GRM6: variants seen among roughly 807,000 people sequenced by gnomAD.
The protein encoded by GRM6 is metabotropic glutamate receptor 6.
Under a neutral mutation model 78.4 loss-of-function variants are expected in GRM6, and 73 were observed. That is an observed-to-expected ratio of 0.93 (90% CI 0.77 to 1.13). The LOEUF is 1.13. Ranked by LOEUF, GRM6 falls within the 50% of genes most tolerant of loss-of-function variation. GRM6 has a pLI of 0.00. For missense variants in GRM6, 1,251 were observed against 1,256.4 expected (o/e 1.00, Z 0.07); for synonymous variants, 580 against 555.0 (o/e 1.05, Z -0.63).
rs183807567 is a variant in GRM6 at position 178,994,158 on chromosome 5, G to A, written c.504+283C>T. 4.6e-5 allele frequency among the ~76,000 whole-genome samples: 7 copies of A among 152,324 alleles called. No homozygotes were observed. The Middle Eastern group carries it at 0.01, about 222-fold the overall frequency. ...AGCAGGCTGGCAAATGGGGGCTGAA[G>A]TCAGGCCGCCCTCCCCAGCCAACCG... On this transcript the variant is annotated intron_variant, in intron 2 of 10. Coordinates refer to ENST00000517717, the MANE Select transcript of GRM6 (RefSeq NM_000843.4).
At position 178,980,249 on chromosome 5, in the gene GRM6, G is replaced by A. The variant is rs1027408779; in HGVS notation, c.*1408C>T. ...GAATGTATACTGATCTTAAACAGTGGTCAATTTAACAAATGTAAATTCTAC... is the reference window on the plus strand; with the variant it reads ...GAATGTATACTGATCTTAAACAGTGATCAATTTAACAAATGTAAATTCTAC... On this transcript the variant is annotated 3_prime_UTR_variant, in exon 11 of 11. Transcript: ENST00000517717. The surrounding 1 kb of genome is among the most constrained non-coding windows in gnomAD (Gnocchi z 4.3). 1 of 154,370 alleles carries A rather than the reference G, an allele frequency of 6.5e-6. No individual in the cohort carries two copies. The allele number at this position is 154,370 out of a possible 1,614,324, so 9.6% of individuals were successfully genotyped here. A position where few individuals can be genotyped will look rare whatever the true frequency, so the allele number is the denominator to read the frequency against.
At chr5:178,994,399 G>C in intron 2 of GRM6, 42 bp downstream of exon 2, 2 of 1,464,494 alleles carry the variant, frequency 1.4e-6, no homozygotes, top group African/African-American at 1.5e-5. Context: ...GCGAGGACGG[G>C]AGAGGGACGC....
chr5:178,986,936 C>T lies in GRM6; in HGVS notation c.1402G>A (p.Gly468Arg), dbSNP rs753518764. 18 of 1,614,096 alleles carry T rather than the reference C, an allele frequency of 1.1e-5. No homozygotes were observed. The highest frequency in any genetic ancestry group is 8.3e-5 in the Admixed American group (5 of 60,030). Reference protein sequence around the residue: ...VMFNENGDAPGRYDIFQYQAT... With the variant: ...VMFNENGDAPRRYDIFQYQAT... ...TGGTACTGGAAGATGTCGTACCGCC[C>T]GGGCGCATCTCCGTTCTCGTTGAAC... The change falls in exon 8 of 11, where the codon GGG (glycine) becomes AGG (arginine). Residue 468 changes from glycine (G) to arginine (R), a missense_variant. Physicochemically the swap from Gly to Arg is moderately radical, Grantham distance 125 (BLOSUM62 -2). Transcript: ENST00000517717.
At chr5:178,994,314 G>A (rs899678957) in intron 2 of GRM6, 127 bp downstream of exon 2, 8 of 793,846 alleles carry the variant, frequency 1.0e-5, no homozygotes, top group African/African-American at 7.3e-5. Context: ...CTTCTTTGAC[G>A]CTGTGTGAAT....
chr5:178,989,805 C>T, intron 5 of GRM6: 1 of 328,354 alleles, frequency 3.0e-6, no homozygotes, highest in Non-Finnish European at 5.9e-6. Flanking sequence ...GACTATGAGA[C>T]CATAAGCAGG....
At chr5:178,985,651 T>TGAGATA (rs1561716877) in intron 9 of GRM6, 3 of 382,482 alleles carry the variant, frequency 7.8e-6, no homozygotes, top group Non-Finnish European at 1.5e-5. Context: ...TGCAGGGAGC[T>TGAGATA]GAGATAGTGC....
intron 10 of GRM6, among the ~76,000 whole-genome samples, chr5:178,982,404 C>T (rs1406319172): frequency 2.0e-5 from 3 of 151,140 alleles, no homozygotes; most frequent in Non-Finnish European, 2.9e-5. Flanking sequence ...ATGGTGAAAC[C>T]CCATCTCTAC....
chr5:178,985,557 G>C (rs34858541), intron 9 of GRM6: 3 of 338,290 alleles, frequency 8.9e-6, no homozygotes, highest in Non-Finnish European at 1.2e-5. Flanking sequence ...CAAAAAATTA[G>C]CCGGGCGTGG....
chr5:178,984,874 C>T (rs139246793), intron 9 of GRM6, among the ~76,000 whole-genome samples: 1 of 152,162 alleles, frequency 6.6e-6, no homozygotes, highest in Non-Finnish European at 1.5e-5. Flanking sequence ...CACCCTCCAC[C>T]TGGCCCTGAG....
rs371828482 is a variant in GRM6, at chr5:178,991,900, C to A, written c.688G>T (p.Val230Phe). Reference sequence around the variant, plus strand: ...CGGGAGATCTGAACGAAGGCCTCAACCCCACTTTCGCCATAGTTGCCCTCG... The same window carrying A: ...CGGGAGATCTGAACGAAGGCCTCAAACCCACTTTCGCCATAGTTGCCCTCG... ...ASEGNYGESG[V>F]EAFVQISREA... is the part of the protein sequence containing the mutation. Residue 230 changes from valine (V) to phenylalanine (F), a missense_variant, in exon 3 of 11, where the codon GTT (valine) becomes TTT (phenylalanine). Val to Phe is a conservative substitution (Grantham distance 50). Transcript: ENST00000517717. This position sits in a 1 kb window ranked among gnomAD's most constrained non-coding sequence, Gnocchi z 5.0. 3.5e-5 allele frequency: 57 copies of A among 1,614,068 alleles called. No homozygotes were observed. Among genetic ancestry groups the A allele is most frequent in the Admixed American group, 1.5e-4 (9 of 60,032 alleles).
In GRM6 at chr5:178,988,737, C is replaced by G. The variant is rs1760611959; in HGVS notation, c.1354+198G>C. ...ACTGTGCAAACCAGCGCAGGGAACA[C>G]TGAAGCCTGGGGAGGGAGCAGTGTT... On this transcript the variant is annotated intron_variant, in intron 7 of 10. Transcript: ENST00000517717. The surrounding 1 kb of genome is among the most constrained non-coding windows in gnomAD (Gnocchi z 6.0). 6.6e-6 allele frequency among the ~76,000 whole-genome samples: 1 copy of G among 152,174 alleles called. No individual in the cohort carries two copies. The highest frequency in any genetic ancestry group is 1.5e-5 in the Non-Finnish European group (1 of 68,016).
At position 178,981,794 on chromosome 5, in the gene GRM6, C is replaced by A. The variant is rs373757775; in HGVS notation, c.2497G>T (p.Gly833Cys). Residue 833 changes from glycine to cysteine, a missense_variant, in exon 11 of 11, where the codon GGC becomes TGC. Gly to Cys is a radical substitution (Grantham distance 159). Transcript: ENST00000517717. This position sits in a 1 kb window ranked among gnomAD's most constrained non-coding sequence, Gnocchi z 5.1. The part of the protein sequence containing the change: ...SLSLSASVSL[G>C]MLYVPKTYVI... ...TAGGTTTTGGGTACGTAGAGCATGCCGAGGGACACCGAGGCACTCAGGCTC... is the reference window on the plus strand; with the variant it reads ...TAGGTTTTGGGTACGTAGAGCATGCAGAGGGACACCGAGGCACTCAGGCTC... 1 of 1,612,656 alleles carries A rather than the reference C, an allele frequency of 6.2e-7. No individual in the cohort carries two copies. The highest frequency in any genetic ancestry group is 2.2e-5 in the East Asian group (1 of 44,858).
At chr5:178,990,551 G>GGA in intron 5 of GRM6, 41 bp downstream of exon 5, 1 of 1,545,704 alleles carries the variant, frequency 6.5e-7, no homozygotes, top group Non-Finnish European at 8.9e-7. Flanking sequence ...GGGGTGCTGG[G>GGA]GAGACGTGTG....
rs1561715282 is a variant in GRM6 at position 178,983,005 on chromosome 5, CGT to C, written c.2339_2340del (p.Asn780ArgfsTer31). On this transcript the variant is annotated frameshift_variant, in exon 10 of 11. Coordinates refer to ENST00000517717, the MANE Select transcript of GRM6 (RefSeq NM_000843.4). LOFTEE classifies it high-confidence loss of function. ...IKARGVPETF[N>X]EAKPIGFTMY... ...ATGGTGAAGCCGATGGGCTTGGCCTCGTTGAAGGTCTCGGGCACGCCACGGGC... is the reference window on the plus strand; with the variant it reads ...ATGGTGAAGCCGATGGGCTTGGCCTCTGAAGGTCTCGGGCACGCCACGGGC... The C allele has an allele frequency of 1.9e-6, 3 of 1,614,132 alleles. No homozygotes were observed. Among genetic ancestry groups the C allele is most frequent in the Non-Finnish European group, 2.5e-6 (3 of 1,179,968 alleles).
Position 178,983,097 on chromosome 5 carries a change from G to A in GRM6, c.2249C>T (p.Ser750Phe). ...GVLKCDMSDL[S>F]LIGCLGYSLL... is the part of the protein sequence containing the mutation. ...GCTGTAGCCCAGGCAGCCGATGAGA[G>A]ACAGATCCGACATGTCGCACTTGAG... Residue 750 changes from serine (S) to phenylalanine (F), a missense_variant, in exon 10 of 11, where the codon TCT becomes TTT. Physicochemically the swap from Ser to Phe is radical, Grantham distance 155 (BLOSUM62 -2). Coordinates refer to ENST00000517717, the MANE Select transcript of GRM6 (RefSeq NM_000843.4). 1 of 1,614,062 alleles carries A rather than the reference G, an allele frequency of 6.2e-7. No individual in the cohort carries two copies. The highest frequency in any genetic ancestry group is 8.5e-7 in the Non-Finnish European group (1 of 1,179,978).
At position 178,991,401 on chromosome 5, in the gene GRM6, C is replaced by G; in HGVS notation, c.857+23G>C. On this transcript the variant is annotated intron_variant, in intron 4 of 10. Coordinates refer to ENST00000517717, the MANE Select transcript of GRM6 (RefSeq NM_000843.4). This position sits in a 1 kb window ranked among gnomAD's most constrained non-coding sequence, Gnocchi z 5.0. ...ACCCTCAGGGAGAGCCCCAGGGGCC[C>G]GGTGATTGTGCCACTGTCCCACCTG... 6.2e-7 allele frequency: 1 copy of G among 1,612,496 alleles called. No homozygotes were observed. Among genetic ancestry groups the G allele is most frequent in the South Asian group, 1.1e-5 (1 of 91,038 alleles).
Position 178,981,329 on chromosome 5 carries a change from C to A in GRM6, c.*328G>T. On this transcript the variant is annotated 3_prime_UTR_variant, in exon 11 of 11. Transcript: ENST00000517717. This position sits in a 1 kb window ranked among gnomAD's most constrained non-coding sequence, Gnocchi z 5.1. Reference sequence around the variant, plus strand: ...GGGAGGAAATCTCCCGCAAACCAGGCAAAGCCCAGGGCTTCATCATCCTCT... The same window carrying A: ...GGGAGGAAATCTCCCGCAAACCAGGAAAAGCCCAGGGCTTCATCATCCTCT... The A allele has an allele frequency of 3.3e-6, 1 of 300,804 alleles. No homozygotes were observed. Among genetic ancestry groups the A allele is most frequent in the Non-Finnish European group, 6.3e-6 (1 of 158,476 alleles). The allele number at this position is 300,804 out of a possible 1,614,324, so 18.6% of individuals were successfully genotyped here. A position where few individuals can be genotyped will look rare whatever the true frequency, so the allele number is the denominator to read the frequency against.
chr5:178,982,799 C>G lies in GRM6; in HGVS notation c.2436+111G>C. 12 of 764,630 alleles carry G rather than the reference C, an allele frequency of 1.6e-5. No individual in the cohort carries two copies. The South Asian group carries it at 1.8e-4, about 11-fold the overall frequency. The allele number at this position is 764,630 out of a possible 1,614,324, so 47.4% of individuals were successfully genotyped here. ...AGAAGGGAATGAGTGAATGAACAAG[C>G]AGCCAGATACGGGATAAACAAAAGC... is the stretch of plus-strand genomic sequence containing the variant. On this transcript the variant is annotated intron_variant, in intron 10 of 10. Transcript: ENST00000517717.
Position 178,978,593 on chromosome 5 carries a change from G to A in GRM6, c.*3064C>T, listed in dbSNP as rs1214382572. 6.6e-6 allele frequency: 1 copy of A among 152,178 alleles called. No homozygotes were observed. The highest frequency in any genetic ancestry group is 1.9e-4 in the East Asian group (1 of 5,196). The allele number at this position is 152,178 out of a possible 1,614,324, so 9.4% of individuals were successfully genotyped here. A position where few individuals can be genotyped will look rare whatever the true frequency, so the allele number is the denominator to read the frequency against. ...GAGACCTTATAAATAGGTGGTTAAA[G>A]CTTACATCAGAACGTAATCTTACTC... On this transcript the variant is annotated 3_prime_UTR_variant, in exon 11 of 11. Coordinates refer to ENST00000517717, the MANE Select transcript of GRM6 (RefSeq NM_000843.4).
Sources: allele counts gnomAD v4.1 joint callset (sites outside exome capture counted in the v4.1 genomes callset), GRCh38; gene constraint gnomAD v4.1.1; non-coding constraint Gnocchi (gnomAD v3.1); transcripts MANE v1.5; gene names NCBI Gene and HGNC (gene_info 2026-07-23, HGNC 2026-07-21).